Variants in SLC13A1 observed in about 807,000 individuals in gnomAD.
The protein encoded by SLC13A1 is solute carrier family 13 member 1, also known as Na(+)/sulfate cotransporter.
In SLC13A1, 65 loss-of-function variants were observed where a neutral mutation model predicts 70.0. That is an observed-to-expected ratio of 0.93 (90% CI 0.76 to 1.14). The LOEUF is 1.14. Ranked by LOEUF, SLC13A1 falls within the 50% of genes most tolerant of loss-of-function variation. The pLI, the probability that SLC13A1 is intolerant of heterozygous loss-of-function variation, is 0.00. For synonymous variants in SLC13A1, 275 were observed against 250.5 expected (o/e 1.10, Z -0.92); for missense variants, 726 against 717.8 (o/e 1.01, Z -0.13).
At position 123,134,475 on chromosome 7, in the gene SLC13A1, G is replaced by T; in HGVS notation, c.867C>A (p.Phe289Leu). ...LNFGSWFTFS[F>L]PAALIILLLS... ...AGAGTAGAATGATAAGGGCAGCTGGGAAGGAAAACGTAAACCATGATCCAA... is the reference window on the plus strand; with the variant it reads ...AGAGTAGAATGATAAGGGCAGCTGGTAAGGAAAACGTAAACCATGATCCAA... Residue 289 changes from phenylalanine to leucine, a missense_variant, in exon 8 of 15, where the codon TTC becomes TTA. Physicochemically the swap from Phe to Leu is conservative, Grantham distance 22. Transcript: ENST00000194130. The T allele has an allele frequency of 6.2e-7, 1 of 1,613,324 alleles. No individual in the cohort carries two copies. Among genetic ancestry groups the T allele is most frequent in the Non-Finnish European group, 8.5e-7 (1 of 1,179,422 alleles).
At chr7:123,136,647 T>C (rs1468801881) in intron 7 of SLC13A1, among the ~76,000 whole-genome samples, 2 of 152,166 alleles carry the variant, frequency 1.3e-5, no homozygotes. Flanking sequence ...ACTGGGGACA[T>C]AGTGGTGAAT....
intron 7 of SLC13A1, among the ~76,000 whole-genome samples, chr7:123,138,355 T>C (rs1794020254): frequency 6.6e-6 from 1 of 152,202 alleles, no homozygotes; most frequent in South Asian, 2.1e-4. Flanking sequence ...CTATTATTAA[T>C]ATACACAGCA....
At position 123,114,335 on chromosome 7, in the gene SLC13A1, A is replaced by G. The variant is rs1028042509; in HGVS notation, c.*1183T>C. 3.3e-5 allele frequency: 5 copies of G among 152,082 alleles called. No individual in the cohort carries two copies. The allele number at this position is 152,082 out of a possible 1,614,324, so 9.4% of individuals were successfully genotyped here. Reference sequence around the variant, plus strand: ...GTATGTGATATTTTGCTACCTGTCTACAATGTGTAATTGTCACATCAGGGT... The same window carrying G: ...GTATGTGATATTTTGCTACCTGTCTGCAATGTGTAATTGTCACATCAGGGT... On this transcript the variant is annotated 3_prime_UTR_variant, in exon 15 of 15. Coordinates refer to ENST00000194130, the MANE Select transcript of SLC13A1 (RefSeq NM_022444.4).
chr7:123,198,414 C>T (rs1164459892), intron 1 of SLC13A1, among the ~76,000 whole-genome samples: 1 of 144,370 alleles, frequency 6.9e-6, no homozygotes, highest in East Asian at 2.1e-4. Context: ...TTTACAAATT[C>T]TGTACGAATT....
intron 1 of SLC13A1, among the ~76,000 whole-genome samples, chr7:123,189,776 A>T (rs1259483150): frequency 5.9e-5 from 9 of 152,020 alleles, no homozygotes; most frequent in Non-Finnish European, 1.3e-4. Flanking sequence ...ATCTAATTAC[A>T]ATCCTTTTGG....
At chr7:123,131,443 A>G (rs1793755964) in intron 8 of SLC13A1, among the ~76,000 whole-genome samples, 1 of 152,224 alleles carries the variant, frequency 6.6e-6, no homozygotes, top group Non-Finnish European at 1.5e-5. Context: ...GTCGAAAGCC[A>G]AATTGGCATT....
chr7:123,190,064 A>G (rs1303549053), intron 1 of SLC13A1, among the ~76,000 whole-genome samples: 2 of 152,100 alleles, frequency 1.3e-5, no homozygotes, highest in African/African-American at 4.8e-5. Flanking sequence ...TCACTTAAAG[A>G]TATCCTTTTA....
intron 6 of SLC13A1, among the ~76,000 whole-genome samples, chr7:123,155,098 A>C (rs751875650): frequency 6.6e-6 from 1 of 152,100 alleles, no homozygotes; most frequent in Non-Finnish European, 1.5e-5. Flanking sequence ...GAAAACTCAA[A>C]GATTTTAAAA....
chr7:123,165,187 A>G (rs1474560675), intron 6 of SLC13A1, among the ~76,000 whole-genome samples: 2 of 152,202 alleles, frequency 1.3e-5, no homozygotes, highest in Admixed American at 6.6e-5. Flanking sequence ...AAAAATCAAA[A>G]CATATCATAA....
chr7:123,117,622 T>C lies in SLC13A1; in HGVS notation c.1513-14A>G. ...AATGGCTTCGGCCTGTTGTAAGAGATAAAAAAGAGTCTAAGTAAAATTTTG... is the reference window on the plus strand; with the variant it reads ...AATGGCTTCGGCCTGTTGTAAGAGACAAAAAAGAGTCTAAGTAAAATTTTG... On this transcript the variant is annotated splice_polypyrimidine_tract_variant and intron_variant, in intron 13 of 14. Transcript: ENST00000194130. 6.7e-7 allele frequency: 1 copy of C among 1,491,284 alleles called. No individual in the cohort carries two copies. Among genetic ancestry groups the C allele is most frequent in the Non-Finnish European group, 9.0e-7 (1 of 1,114,730 alleles). 92.4% of individuals were successfully genotyped at this position (1,491,284 alleles called of 1,614,324 possible). A position where few individuals can be genotyped will look rare whatever the true frequency, so the allele number is the denominator to read the frequency against.
At chr7:123,181,423 A>G (rs888116130) in intron 1 of SLC13A1, among the ~76,000 whole-genome samples, 1 of 152,106 alleles carries the variant, frequency 6.6e-6, no homozygotes, top group Non-Finnish European at 1.5e-5. Context: ...CCTTTGGCCT[A>G]TAAAATGCAC....
chr7:123,115,731 T>C (rs770097576), intron 14 of SLC13A1, 76 bp from the exon 15 acceptor site: 3 of 1,462,632 alleles, frequency 2.1e-6, no homozygotes, highest in South Asian at 2.5e-5. Context: ...TTGTAGGATG[T>C]ATATGCCAAA....
In SLC13A1 at chr7:123,185,813, G is replaced by A. The variant is rs17145511; in HGVS notation, c.100-4712C>T. Reference sequence around the variant, plus strand: ...TAGGATCGTTTGAGAGCTCTTTAATGGGTAGGGTAGCCATCTGCCCCAGTT... The same window carrying A: ...TAGGATCGTTTGAGAGCTCTTTAATAGGTAGGGTAGCCATCTGCCCCAGTT... On this transcript the variant is annotated intron_variant, in intron 1 of 14. Coordinates refer to ENST00000194130, the MANE Select transcript of SLC13A1 (RefSeq NM_022444.4). Among the ~76,000 whole-genome samples the A allele has an allele frequency of 8.4e-3, 1,274 of 152,082 alleles. 20 individuals carry two copies. The highest frequency in any genetic ancestry group is 0.028 in the African/African-American group (1,183 of 41,526).
chr7:123,165,815 A>C (rs1795051793), intron 6 of SLC13A1, among the ~76,000 whole-genome samples: 1 of 152,072 alleles, frequency 6.6e-6, no homozygotes, highest in Non-Finnish European at 1.5e-5. Flanking sequence ...AATTAGTTGT[A>C]CTCTCTGATT....
At chr7:123,141,250 TTATTC>T (rs1412609556) in intron 7 of SLC13A1, among the ~76,000 whole-genome samples, 2 of 152,176 alleles carry the variant, frequency 1.3e-5, no homozygotes, top group Non-Finnish European at 2.9e-5. Context: ...ATTATTAGCT[TTATTC>T]TATTGTGGTT....
chr7:123,184,901 A>AT (rs1158619265), intron 1 of SLC13A1, among the ~76,000 whole-genome samples: 2 of 151,898 alleles, frequency 1.3e-5, no homozygotes, highest in Non-Finnish European at 2.9e-5. Context: ...ATGCTGTGTT[A>AT]TTTTTCATAA....
intron 1 of SLC13A1, among the ~76,000 whole-genome samples, chr7:123,199,201 T>G (rs927745685): frequency 6.6e-6 from 1 of 152,122 alleles, no homozygotes; most frequent in African/African-American, 2.4e-5. Flanking sequence ...AGCTTATTGT[T>G]CTGGACTTAA....
intron 6 of SLC13A1, among the ~76,000 whole-genome samples, chr7:123,162,393 G>T (rs528192112): frequency 6.6e-6 from 1 of 152,040 alleles, no homozygotes; most frequent in Admixed American, 6.6e-5. Context: ...GTGAGGTCAC[G>T]TTCACAGATT....
At chr7:123,172,542 A>G (rs773390618) in intron 2 of SLC13A1, among the ~76,000 whole-genome samples, 8 of 152,226 alleles carry the variant, frequency 5.3e-5, no homozygotes, top group African/African-American at 9.7e-5. Flanking sequence ...GAATTGCTTG[A>G]ACCCAGGAGG....
Sources: gnomAD v4.1 joint callset for allele counts (sites outside exome capture counted in the v4.1 genomes callset) on GRCh38, gnomAD v4.1.1 for gene constraint, MANE v1.5 for transcripts, NCBI Gene and HGNC (gene_info 2026-07-23, HGNC 2026-07-21) for gene names.